The following GPC6 variants were observed in gnomAD, a reference collection of about 807,000 sequenced individuals.
GPC6 encodes glypican-6.
Under a neutral mutation model 55.2 loss-of-function variants are expected in GPC6, and 14 were observed. That is an observed-to-expected ratio of 0.25 (90% CI 0.17 to 0.40). GPC6 has a LOEUF of 0.40. Ranked by LOEUF, GPC6 falls within the 10% of genes least tolerant of loss-of-function variation. GPC6 has a pLI of 1.00. For synonymous variants in GPC6, 278 were observed against 259.6 expected (o/e 1.07, Z -0.68); for missense variants, 641 against 708.5 (o/e 0.90, Z 1.08).
intron 2 of GPC6, among the ~76,000 whole-genome samples, chr13:93,795,931 T>C (rs1205657798): frequency 6.6e-6 from 1 of 151,758 alleles, no homozygotes; most frequent in East Asian, 1.9e-4. Flanking sequence ...GGGTTAAGGC[T>C]GGGTGTGGTG....
rs9589710 is a variant in GPC6 at position 93,315,108 on chromosome 13, C to G, written c.160+87492C>G. On this transcript the variant is annotated intron_variant, in intron 1 of 8. Coordinates refer to ENST00000377047, the MANE Select transcript of GPC6 (RefSeq NM_005708.5). ...GAGAAGGAGGGAGGGGACTTTTTAT[C>G]AACTAGTTATGTCCTTTTGAAAAAC... is the stretch of plus-strand genomic sequence containing the variant. 4.0e-5 allele frequency among the ~76,000 whole-genome samples: 6 copies of G among 151,882 alleles called. No individual in the cohort carries two copies. In the South Asian group the frequency reaches 1.2e-3, roughly 32 times the overall value.
At chr13:93,314,287 G>A (rs1276000878) in intron 1 of GPC6, among the ~76,000 whole-genome samples, 2 of 152,044 alleles carry the variant, frequency 1.3e-5, no homozygotes, top group Non-Finnish European at 2.9e-5. Flanking sequence ...CCAAGCCATT[G>A]TAGGTGAGAC....
At chr13:93,289,230 C>A (rs1413631101) in intron 1 of GPC6, among the ~76,000 whole-genome samples, 1 of 152,112 alleles carries the variant, frequency 6.6e-6, no homozygotes, top group Non-Finnish European at 1.5e-5. Context: ...AAGGGGAGAA[C>A]CCTAACCTGG....
intron 4 of GPC6, among the ~76,000 whole-genome samples, chr13:94,111,350 T>C (rs1201304294): frequency 6.6e-6 from 1 of 151,814 alleles, no homozygotes; most frequent in Non-Finnish European, 1.5e-5. Flanking sequence ...GACAAACACC[T>C]AATGCAAGCA....
At chr13:93,354,474 C>G (rs1235788471) in intron 1 of GPC6, among the ~76,000 whole-genome samples, 8 of 150,948 alleles carry the variant, frequency 5.3e-5, no homozygotes, top group Admixed American at 5.3e-4. Context: ...CCTCAGCCTC[C>G]CGAGTAGCTG....
At chr13:93,321,681 T>C (rs1345073809) in intron 1 of GPC6, among the ~76,000 whole-genome samples, 2 of 152,250 alleles carry the variant, frequency 1.3e-5, no homozygotes, top group African/African-American at 2.4e-5. Flanking sequence ...GGAGCATTTA[T>C]ATTTCTCTCT....
intron 2 of GPC6, among the ~76,000 whole-genome samples, chr13:93,786,873 A>G (rs1885830633): frequency 1.3e-5 from 2 of 152,098 alleles, no homozygotes; most frequent in African/African-American, 2.4e-5. Context: ...ATGTGATATT[A>G]TTTTCAACCC....
intron 4 of GPC6, among the ~76,000 whole-genome samples, chr13:94,270,834 C>T (rs1309288182): frequency 6.6e-6 from 1 of 152,066 alleles, no homozygotes; most frequent in African/African-American, 2.4e-5. Context: ...AGAGTCCGAA[C>T]ACTAAGAGAA....
chr13:93,730,630 G>C (rs1256487395), intron 2 of GPC6, among the ~76,000 whole-genome samples: 1 of 152,146 alleles, frequency 6.6e-6, no homozygotes, highest in Non-Finnish European at 1.5e-5. Flanking sequence ...GTTGATATGT[G>C]CTTCAGAAGG....
chr13:94,372,653 G>A (rs1399052532), intron 6 of GPC6, among the ~76,000 whole-genome samples: 7 of 152,184 alleles, frequency 4.6e-5, no homozygotes, highest in African/African-American at 1.7e-4. Context: ...GCCCGCCATT[G>A]CCCAGGCTTG....
chr13:93,816,373 A>G (rs1374134804), intron 2 of GPC6, among the ~76,000 whole-genome samples: 1 of 152,096 alleles, frequency 6.6e-6, no homozygotes, highest in Non-Finnish European at 1.5e-5. Context: ...AGAGACTACT[A>G]CTTTCTTCTT....
chr13:93,421,371 T>G (rs1219312823), intron 1 of GPC6, among the ~76,000 whole-genome samples: 1 of 152,168 alleles, frequency 6.6e-6, no homozygotes, highest in Non-Finnish European at 1.5e-5. Context: ...GTTATCTTAT[T>G]TAAATGGTAG....
At chr13:93,446,713 T>C (rs1356899060) in intron 1 of GPC6, among the ~76,000 whole-genome samples, 1 of 152,210 alleles carries the variant, frequency 6.6e-6, no homozygotes, top group African/African-American at 2.4e-5. Context: ...GACTGAAAGA[T>C]ATGTAGAAAT....
At chr13:93,848,181 A>G (rs936417285) in intron 3 of GPC6, among the ~76,000 whole-genome samples, 1 of 152,162 alleles carries the variant, frequency 6.6e-6, no homozygotes, top group Non-Finnish European at 1.5e-5. Context: ...TTTCCAACAG[A>G]GAGAAAGTTT....
intron 4 of GPC6, among the ~76,000 whole-genome samples, chr13:94,174,995 G>T (rs1888696119): frequency 1.3e-5 from 2 of 152,100 alleles, no homozygotes; most frequent in African/African-American, 4.8e-5. Flanking sequence ...AGTTTGCCTT[G>T]TGTCTTTCTT....
At chr13:93,802,573 G>A (rs532476007) in intron 2 of GPC6, among the ~76,000 whole-genome samples, 3 of 151,882 alleles carry the variant, frequency 2.0e-5, no homozygotes, top group African/African-American at 7.3e-5. Context: ...TAAGGTGTTT[G>A]TTTGTTTTTT....
At chr13:93,502,157 A>T (rs10508006) in intron 1 of GPC6, among the ~76,000 whole-genome samples, 2 of 151,730 alleles carry the variant, frequency 1.3e-5, no homozygotes, top group African/African-American at 4.8e-5. Context: ...CAAGGTAACA[A>T]TGTAGATCCC....
chr13:93,314,747 GT>G (rs1879187478), intron 1 of GPC6, among the ~76,000 whole-genome samples: 1 of 150,950 alleles, frequency 6.6e-6, no homozygotes, highest in Non-Finnish European at 1.5e-5. Context: ...GTGTGTGTGT[GT>G]GTGTGTGTGC....
intron 2 of GPC6, among the ~76,000 whole-genome samples, chr13:93,793,034 T>A (rs1053424020): frequency 1.3e-5 from 2 of 152,186 alleles, no homozygotes; most frequent in Admixed American, 1.3e-4. Context: ...GCAAGAATAA[T>A]GCCGGCGAAA....
Sources: allele counts gnomAD v4.1 joint callset (sites outside exome capture counted in the v4.1 genomes callset), GRCh38; gene constraint gnomAD v4.1.1; transcripts MANE v1.5; gene names NCBI Gene and HGNC (gene_info 2026-07-23, HGNC 2026-07-21).